Variants in TTC31 observed in about 807,000 individuals in gnomAD.
TTC31 encodes the protein tetratricopeptide repeat protein 31.
Under a neutral mutation model 60.4 loss-of-function variants are expected in TTC31, and 59 were observed. That is an observed-to-expected ratio of 0.98 (90% CI 0.79 to 1.21). TTC31 has a LOEUF of 1.21. Ranked by LOEUF, TTC31 falls within the 50% of genes most tolerant of loss-of-function variation. The pLI, the probability that TTC31 is intolerant of heterozygous loss-of-function variation, is 0.00. For synonymous variants in TTC31, 225 were observed against 249.6 expected, an observed-to-expected ratio of 0.90 and a Z score of 0.93; for missense variants, 672 against 646.9, an observed-to-expected ratio of 1.04 and a Z score of -0.42.
Position 74,494,076 on chromosome 2 carries a change from C to T in TTC31, c.*858C>T, listed in dbSNP as rs1372460407. ...GAAGCATGATCTCCTTTTAATTTCA[C>T]GTCTAAGATCCTGGCAGCTTCCCCT... On this transcript the variant is annotated 3_prime_UTR_variant, in exon 13 of 13. Coordinates refer to ENST00000233623, the MANE Select transcript of TTC31 (RefSeq NM_022492.6). The T allele has an allele frequency of 2.0e-5, 3 of 152,200 alleles. No individual in the cohort carries two copies. Among genetic ancestry groups the T allele is most frequent in the East Asian group, 1.9e-4 (1 of 5,206 alleles). The allele number at this position is 152,200 out of a possible 1,614,324, so 9.4% of individuals were successfully genotyped here. A position where few individuals can be genotyped will look rare whatever the true frequency, so the allele number is the denominator to read the frequency against.
intron 2 of TTC31, among the ~76,000 whole-genome samples, chr2:74,489,406 G>A (rs1673540144): frequency 6.6e-6 from 1 of 152,214 alleles, no homozygotes; most frequent in African/African-American, 2.4e-5. Context: ...TGAAGCAGGG[G>A]AGGATTAAAA....
At chr2:74,483,245 G>C (rs1276868091) in intron 1 of TTC31, 77 bp from the exon 2 acceptor site, 1 of 1,612,982 alleles carries the variant, frequency 6.2e-7, no homozygotes, top group Non-Finnish European at 8.5e-7. Context: ...AGGGCGGAGA[G>C]TCGAGGGTAG....
chr2:74,484,174 T>C (rs1672811500), intron 2 of TTC31, among the ~76,000 whole-genome samples: 1 of 150,592 alleles, frequency 6.6e-6, no homozygotes. Context: ...GAGGCAGAGG[T>C]TGCAGTGAGC....
rs1200477715 is a variant in TTC31, at chr2:74,490,276, A to C, written c.265A>C (p.Lys89Gln). ...YLLGHLDDEG[K>Q]STGQSDRGKG... is the part of the protein sequence containing the mutation. ...CCTGGGCCACTTGGATGATGAAGGGAAATCAACTGGACAGAGTGACAGGGG... is the reference window on the plus strand; with the variant it reads ...CCTGGGCCACTTGGATGATGAAGGGCAATCAACTGGACAGAGTGACAGGGG... The change falls in exon 4 of 13, where the codon AAA (lysine) becomes CAA (glutamine). Residue 89 changes from lysine to glutamine, a missense_variant. Transcript: ENST00000233623. 5 of 1,614,064 alleles carry C rather than the reference A, an allele frequency of 3.1e-6. No homozygotes were observed. Among genetic ancestry groups the C allele is most frequent in the Non-Finnish European group, 3.4e-6 (4 of 1,179,982 alleles).
At chr2:74,489,123 G>A (rs574063119) in intron 2 of TTC31, among the ~76,000 whole-genome samples, 1 of 152,332 alleles carries the variant, frequency 6.6e-6, no homozygotes, top group East Asian at 1.9e-4. Flanking sequence ...ATTCCATGCT[G>A]CCTGGCCAAT....
chr2:74,483,540 C>T (rs776039947), intron 2 of TTC31, 130 bp downstream of exon 2: 2 of 1,537,350 alleles, frequency 1.3e-6, no homozygotes, highest in South Asian at 2.4e-5. Flanking sequence ...TTGTAGTCTC[C>T]GGCCATGCCC....
intron 8 of TTC31, 53 bp downstream of exon 8, chr2:74,491,725 A>G: frequency 6.3e-7 from 1 of 1,588,452 alleles, no homozygotes; most frequent in Non-Finnish European, 8.6e-7. Flanking sequence ...GGGCACAAGG[A>G]GCTGCTGGGG....
Position 74,490,331 on chromosome 2 carries a change from G to A in TTC31, c.320G>A (p.Cys107Tyr), listed in dbSNP as rs750339773. The change falls in exon 4 of 13, where the codon TGT (cysteine) becomes TAT (tyrosine). Residue 107 changes from cysteine (C) to tyrosine (Y), a missense_variant. By Grantham distance (194) the Cys-to-Tyr change is radical. Coordinates refer to ENST00000233623, the MANE Select transcript of TTC31 (RefSeq NM_022492.6). ...GGGGCTGAGGGACTGGGCACCTACT[G>A]TGGTCTCCGCAAGTCCTTCCTGTAT... ...GKGAEGLGTYCGLRKSFLYPP... is the reference protein window; with the variant it reads ...GKGAEGLGTYYGLRKSFLYPP... The A allele has an allele frequency of 2.5e-6, 4 of 1,613,932 alleles. No homozygotes were observed. The highest frequency in any genetic ancestry group is 4.5e-5 in the East Asian group (2 of 44,866).
rs990564078 is a variant in TTC31, at chr2:74,494,552, G to A, written c.*1334G>A. 1.3e-5 allele frequency: 2 copies of A among 151,028 alleles called. No individual in the cohort carries two copies. Among genetic ancestry groups the A allele is most frequent in the African/African-American group, 4.8e-5 (2 of 41,362 alleles). 9.4% of individuals were successfully genotyped at this position (151,028 alleles called of 1,614,324 possible). ...GTGGGTGCTAAATAAACCACTTTTT[G>A]TCTGCAACTGTCCTACATAGTCATG... On this transcript the variant is annotated 3_prime_UTR_variant, in exon 13 of 13. Transcript: ENST00000233623.
intron 12 of TTC31, 34 bp downstream of exon 12, chr2:74,492,781 G>A (rs202224092): frequency 4.4e-5 from 71 of 1,607,250 alleles, no homozygotes; most frequent in Non-Finnish European, 5.6e-5. Flanking sequence ...ATGCTGAGGC[G>A]GGTATCAGGG....
rs1192622754 is a variant in TTC31, at chr2:74,490,441, G to C, written c.430G>C (p.Ala144Pro). The C allele has an allele frequency of 6.2e-7, 1 of 1,612,674 alleles. No individual in the cohort carries two copies. Among genetic ancestry groups the C allele is most frequent in the Non-Finnish European group, 8.5e-7 (1 of 1,179,416 alleles). Residue 144 changes from alanine to proline, a missense_variant, in exon 4 of 13, where the codon GCC (alanine) becomes CCC (proline). Transcript: ENST00000233623. Reference protein sequence around the residue: ...PSVSDSLLQVAMPQKLLVTEE... With the variant: ...PSVSDSLLQVPMPQKLLVTEE... ...TGTCTCAGACAGCCTGCTTCAGGTG[G>C]CCATGCCCCAGAAGCTCCTGGTGAC...
rs1674179144 is a variant in TTC31, at chr2:74,493,534, G to T, written c.*316G>T. ...GCAGAGACAGTGAGAAAGCATCTGG[G>T]CCTTTCTCTTCCTCTTGGTCCAGGG... On this transcript the variant is annotated 3_prime_UTR_variant, in exon 13 of 13. Coordinates refer to ENST00000233623, the MANE Select transcript of TTC31 (RefSeq NM_022492.6). 3.7e-6 allele frequency: 1 copy of T among 270,846 alleles called. No individual in the cohort carries two copies. The highest frequency in any genetic ancestry group is 1.2e-3 in the Middle Eastern group (1 of 862). 16.8% of individuals were successfully genotyped at this position (270,846 alleles called of 1,614,324 possible). A position where few individuals can be genotyped will look rare whatever the true frequency, so the allele number is the denominator to read the frequency against.
rs758730361 is a variant in TTC31 at position 74,483,375 on chromosome 2, T to C, written c.94T>C (p.Cys32Arg). 6.2e-7 allele frequency: 1 copy of C among 1,614,134 alleles called. No homozygotes were observed. The highest frequency in any genetic ancestry group is 2.2e-5 in the East Asian group (1 of 44,892). Reference protein sequence around the residue: ...PLEVAAAPKLCKEFGPEDYGE... With the variant: ...PLEVAAAPKLRKEFGPEDYGE... ...GGAGGTCGCTGCTGCACCCAAACTTTGCAAGGAATTCGGTCCAGAGGATTA... is the reference window on the plus strand; with the variant it reads ...GGAGGTCGCTGCTGCACCCAAACTTCGCAAGGAATTCGGTCCAGAGGATTA... The change falls in exon 2 of 13, where the codon TGC becomes CGC. Residue 32 changes from cysteine (C) to arginine (R), a missense_variant. By Grantham distance (180) the Cys-to-Arg change is radical. Transcript: ENST00000233623.
Position 74,491,690 on chromosome 2 carries a change from C to T in TTC31, c.876+18C>T. 6.2e-7 allele frequency: 1 copy of T among 1,612,454 alleles called. No individual in the cohort carries two copies. The highest frequency in any genetic ancestry group is 8.5e-7 in the Non-Finnish European group (1 of 1,179,060). On this transcript the variant is annotated intron_variant, in intron 8 of 12. Transcript: ENST00000233623. ...AGGTACAGGTGAGGTGGCTGAAGAA[C>T]CTTATTCAGCTGGAACCGTGGAAGG... is the stretch of plus-strand genomic sequence containing the variant.
Position 74,492,336 on chromosome 2 carries a change from G to T in TTC31, c.1052G>T (p.Arg351Leu), listed in dbSNP as rs372010328. Residue 351 changes from arginine to leucine, a missense_variant, in exon 11 of 13, where the codon CGG becomes CTG. By Grantham distance (102) the Arg-to-Leu change is moderately radical. Coordinates refer to ENST00000233623, the MANE Select transcript of TTC31 (RefSeq NM_022492.6). ...GGAAATCGTTCCTTCTGCCATGAGC[G>T]GTTGGGTCAGCCAGCGTGGGCCCTG... ...LFGNRSFCHE[R>L]LGQPAWALAD... 1 of 1,576,586 alleles carries T rather than the reference G, an allele frequency of 6.3e-7. No individual in the cohort carries two copies. Among genetic ancestry groups the T allele is most frequent in the South Asian group, 1.2e-5 (1 of 85,932 alleles).
chr2:74,491,988 T>G lies in TTC31; in HGVS notation c.877-16T>G, dbSNP rs1673951631. The G allele has an allele frequency of 6.2e-7, 1 of 1,614,200 alleles. No homozygotes were observed. Among genetic ancestry groups the G allele is most frequent in the Non-Finnish European group, 8.5e-7 (1 of 1,180,018 alleles). ...TGAGACCTCAAGACCTGCTTGACTT[T>G]GCACCCTATCCCCAGGCATCTCCGG... On this transcript the variant is annotated splice_polypyrimidine_tract_variant and intron_variant, in intron 8 of 12. Transcript: ENST00000233623.
intron 11 of TTC31, 98 bp downstream of exon 11, chr2:74,492,543 G>A: frequency 6.5e-7 from 1 of 1,542,622 alleles, no homozygotes; most frequent in Non-Finnish European, 8.8e-7. Flanking sequence ...GTACCAAAGT[G>A]TCACAATGGT....
chr2:74,485,653 GT>G (rs981654172), intron 2 of TTC31, among the ~76,000 whole-genome samples: 1 of 150,810 alleles, frequency 6.6e-6, no homozygotes, highest in Non-Finnish European at 1.5e-5. Flanking sequence ...TGTATTTTTA[GT>G]AGAGACAGGG....
Position 74,493,061 on chromosome 2 carries a change from C to G in TTC31, c.1403C>G (p.Ser468Cys), listed in dbSNP as rs778684893. 6.2e-7 allele frequency: 1 copy of G among 1,614,154 alleles called. No homozygotes were observed. The highest frequency in any genetic ancestry group is 8.5e-7 in the Non-Finnish European group (1 of 1,180,014). Reference sequence around the variant, plus strand: ...ACTGCTTTGAGGTCCCCTGGCCTGTCTCCACTCTTGCATTATCCTTCATGT... The same window carrying G: ...ACTGCTTTGAGGTCCCCTGGCCTGTGTCCACTCTTGCATTATCCTTCATGT... ...RSTALRSPGL[S>C]PLLHYPSCHR... The change falls in exon 13 of 13, where the codon TCT becomes TGT. Residue 468 changes from serine to cysteine, a missense_variant. By Grantham distance (112) the Ser-to-Cys change is moderately radical. Coordinates refer to ENST00000233623, the MANE Select transcript of TTC31 (RefSeq NM_022492.6).
Sources: allele counts gnomAD v4.1 joint callset (sites outside exome capture counted in the v4.1 genomes callset), GRCh38; gene constraint gnomAD v4.1.1; transcripts MANE v1.5; gene names NCBI Gene and HGNC (gene_info 2026-07-23, HGNC 2026-07-21).